PDE11A: variants seen among roughly 807,000 people sequenced by gnomAD.
The protein encoded by PDE11A is phosphodiesterase 11A.
PDE11A carries 100 observed loss-of-function variants against 100.5 expected under a neutral mutation model. That is an observed-to-expected ratio of 1.00 (90% confidence interval 0.85 to 1.18). The LOEUF (loss-of-function observed/expected upper bound fraction) is 1.18, where lower values mean the gene tolerates loss of function less well. Ranked by LOEUF, PDE11A falls within the 50% of genes most tolerant of loss-of-function variation. The pLI, the probability that PDE11A is intolerant of heterozygous loss-of-function variation, is 0.00. For missense variants in PDE11A, 1,141 were observed against 1,152.6 expected (o/e 0.99, Z 0.15); for synonymous variants, 381 against 420.8 (o/e 0.91, Z 1.16).
rs562084820 is a variant in PDE11A at position 177,758,229 on chromosome 2, G to A, written c.1788+11094C>T. 1.7e-3 allele frequency among the ~76,000 whole-genome samples: 255 copies of A among 150,418 alleles called. 2 individuals carry two copies. Among genetic ancestry groups the A allele is most frequent in the Non-Finnish European group, 2.8e-3 (190 of 67,658 alleles). On this transcript the variant is annotated intron_variant, in intron 10 of 19. Coordinates refer to ENST00000286063, the MANE Select transcript of PDE11A (RefSeq NM_016953.4). Reference sequence around the variant, plus strand: ...GGAGAATAGCATGAACCCGGGATGCGGAGCTTGCAGTGAGCCGAGATGGCG... The same window carrying A: ...GGAGAATAGCATGAACCCGGGATGCAGAGCTTGCAGTGAGCCGAGATGGCG...
chr2:177,774,761 C>T (rs74583568), intron 9 of PDE11A, among the ~76,000 whole-genome samples: 2 of 152,174 alleles, frequency 1.3e-5, no homozygotes, highest in African/African-American at 2.4e-5. Flanking sequence ...AAATTTAACA[C>T]GTCTAAATAA....
chr2:177,626,971 GT>G lies in PDE11A; in HGVS notation c.*2435del, dbSNP rs1156426483. 1 of 90,374 alleles carries G rather than the reference GT, an allele frequency of 1.1e-5. No homozygotes were observed. Among genetic ancestry groups the G allele is most frequent in the East Asian group, 3.0e-4 (1 of 3,348 alleles). The allele number at this position is 90,374 out of a possible 1,614,324, so 5.6% of individuals were successfully genotyped here. A position where few individuals can be genotyped will look rare whatever the true frequency, so the allele number is the denominator to read the frequency against. ...GTCTTTCCTTTACTGGTGTTCTTAC[GT>G]TTCTTTTTCTTCTTGCTTTTATTCC... On this transcript the variant is annotated 3_prime_UTR_variant, in exon 20 of 20. Transcript: ENST00000286063.
Position 177,997,992 on chromosome 2 carries a change from T to C in PDE11A, c.1071+16310A>G, listed in dbSNP as rs977267092. The C allele has an allele frequency of 7.4e-6, 9 of 1,210,012 alleles. No individual in the cohort carries two copies. The African/African-American group carries it at 1.0e-4, about 14-fold the overall frequency. 75.0% of individuals were successfully genotyped at this position (1,210,012 alleles called of 1,614,324 possible). ...TAGGGAGAACCTGCTCACAGAAATA[T>C]GTCACAGACCTTGTGGAATGGACAG... is the stretch of plus-strand genomic sequence containing the variant. On this transcript the variant is annotated intron_variant, in intron 2 of 19. Coordinates refer to ENST00000286063, the MANE Select transcript of PDE11A (RefSeq NM_016953.4).
intron 2 of PDE11A, among the ~76,000 whole-genome samples, chr2:177,916,366 C>T (rs2105748256): frequency 6.6e-6 from 1 of 152,330 alleles, no homozygotes; most frequent in South Asian, 2.1e-4. Flanking sequence ...GAACTTTGGT[C>T]TGTCACGAAT....
intron 5 of PDE11A, among the ~76,000 whole-genome samples, chr2:177,847,797 G>A (rs377618897): frequency 5.8e-4 from 88 of 152,246 alleles, no homozygotes; most frequent in African/African-American, 2.0e-3. Context: ...TTGTGCCCAC[G>A]TTGTCACTAG....
Position 177,643,190 on chromosome 2 carries a change from T to G in PDE11A, c.2647-13628A>C, listed in dbSNP as rs892563934. On this transcript the variant is annotated intron_variant, in intron 19 of 19. Transcript: ENST00000286063. ...GAATATGTGGAAGCAACTTTGGAAC[T>G]GGGTAACAGGCAGATTTTGGAACAA... 2.0e-5 allele frequency among the ~76,000 whole-genome samples: 3 copies of G among 152,162 alleles called. No homozygotes were observed. The South Asian group carries it at 6.2e-4, about 32-fold the overall frequency.
intron 2 of PDE11A, among the ~76,000 whole-genome samples, chr2:177,995,654 C>CCG (rs1553498603): frequency 4.6e-5 from 7 of 151,510 alleles, no homozygotes; most frequent in Admixed American, 1.3e-4. Context: ...CCACCCACCC[C>CCG]GCATCTGCTG....
intron 10 of PDE11A, among the ~76,000 whole-genome samples, chr2:177,742,873 C>T (rs982103379): frequency 5.9e-5 from 9 of 152,098 alleles, no homozygotes; most frequent in East Asian, 5.8e-4. Context: ...ACTTTTAATC[C>T]CCATCCTGAA....
At chr2:178,104,196 G>T in intron 2 of PDE11A, 1 of 998,912 alleles carries the variant, frequency 1.0e-6, no homozygotes, top group Non-Finnish European at 1.6e-6. Flanking sequence ...GTAAAGAGTG[G>T]TCCATTTTTA....
intron 2 of PDE11A, among the ~76,000 whole-genome samples, chr2:177,973,185 C>T (rs2085795277): frequency 6.9e-6 from 1 of 145,978 alleles, no homozygotes; most frequent in African/African-American, 2.6e-5. Context: ...CCGGGTTCAT[C>T]TCACTAGGGA....
At chr2:177,812,585 A>G (rs2886500) in intron 9 of PDE11A, among the ~76,000 whole-genome samples, 61,682 of 151,938 alleles carry the variant, frequency 0.41, 14,360 homozygotes, top group African/African-American at 0.64. Context: ...TCAAGCAGGC[A>G]GATAAGCTAG....
chr2:177,801,280 C>A (rs1263557251), intron 9 of PDE11A, among the ~76,000 whole-genome samples: 2 of 152,054 alleles, frequency 1.3e-5, no homozygotes, highest in African/African-American at 4.8e-5. Context: ...ATAAATTTAT[C>A]TTGCTAATTT....
At chr2:177,712,062 T>C (rs891043791) in intron 12 of PDE11A, among the ~76,000 whole-genome samples, 184 bp from the exon 13 acceptor site, 4 of 152,222 alleles carry the variant, frequency 2.6e-5, no homozygotes, top group Non-Finnish European at 5.9e-5. Context: ...CCCACAGTGA[T>C]GAATTAGCTT....
At chr2:177,690,086 G>A (rs572751457) in intron 15 of PDE11A, among the ~76,000 whole-genome samples, 1 of 152,134 alleles carries the variant, frequency 6.6e-6, no homozygotes, top group African/African-American at 2.4e-5. Flanking sequence ...GTGCTATTTG[G>A]CTACATTTCT....
intron 10 of PDE11A, among the ~76,000 whole-genome samples, chr2:177,759,924 C>T (rs1011732967): frequency 2.0e-5 from 3 of 152,108 alleles, no homozygotes; most frequent in African/African-American, 4.8e-5. Flanking sequence ...ACGTCATTAC[C>T]ATTCATGCTT....
intron 2 of PDE11A, among the ~76,000 whole-genome samples, chr2:178,083,152 T>A (rs2087308188): frequency 6.7e-6 from 1 of 149,560 alleles, no homozygotes; most frequent in African/African-American, 2.5e-5. Flanking sequence ...TAGGCTGGAG[T>A]GCAGTGGCGC....
intron 9 of PDE11A, among the ~76,000 whole-genome samples, chr2:177,816,358 G>A (rs1239354947): frequency 6.6e-6 from 1 of 152,190 alleles, no homozygotes; most frequent in African/African-American, 2.4e-5. Flanking sequence ...AACAGGTCAA[G>A]GTTCTTGATG....
chr2:178,063,755 C>T (rs2087003734), intron 1 of PDE11A, among the ~76,000 whole-genome samples: 1 of 152,032 alleles, frequency 6.6e-6, no homozygotes, highest in Non-Finnish European at 1.5e-5. Flanking sequence ...TCAGAGGTAC[C>T]CTCAAAAGGG....
intron 13 of PDE11A, among the ~76,000 whole-genome samples, chr2:177,707,732 C>T (rs1009108554): frequency 5.3e-5 from 8 of 152,162 alleles, no homozygotes; most frequent in Non-Finnish European, 7.3e-5. Context: ...AAAATCCGAT[C>T]GGTCCAGCTT....
Sources: gnomAD v4.1 joint callset for allele counts (sites outside exome capture counted in the v4.1 genomes callset) on GRCh38, gnomAD v4.1.1 for gene constraint, MANE v1.5 for transcripts, NCBI Gene and HGNC (gene_info 2026-07-23, HGNC 2026-07-21) for gene names.